MEGF6: variants seen among roughly 807,000 people sequenced by gnomAD.
MEGF6 encodes multiple EGF like domains 6, also known as multiple epidermal growth factor-like domains protein 6.
A neutral mutation model predicts 207.1 loss-of-function variants in MEGF6; 184 were observed. The ratio of observed to expected loss-of-function variants is 0.89; its 90% CI spans 0.79 to 1.00. The LOEUF is 1.00. Ranked by LOEUF, MEGF6 falls within the 50% of genes least tolerant of loss-of-function variation. MEGF6 has a pLI of 0.00. For missense variants in MEGF6, 2,282 were observed against 2,202.9 expected (o/e 1.04, Z -0.72); for synonymous variants, 1,038 against 910.0 (o/e 1.14, Z -2.53).
intron 1 of MEGF6, among the ~76,000 whole-genome samples, chr1:3,607,491 G>C (rs1320377088): frequency 6.6e-6 from 1 of 152,202 alleles, no homozygotes. Flanking sequence ...GGGAACGACT[G>C]TCTCCTCTGG....
chr1:3,501,984 C>G, intron 17 of MEGF6, 63 bp from the exon 18 acceptor site: 1 of 1,563,672 alleles, frequency 6.4e-7, no homozygotes, highest in South Asian at 1.2e-5. Context: ...CAGAGCCTTT[C>G]CCCCAGGGGC....
At chr1:3,497,911 AGG>A (rs1557717269) in intron 26 of MEGF6, among the ~76,000 whole-genome samples, 1 of 152,134 alleles carries the variant, frequency 6.6e-6, no homozygotes, top group African/African-American at 2.4e-5. Context: ...TTGAGGAATG[AGG>A]CAGTGTTGCC....
chr1:3,539,667 A>G (rs542491766), intron 4 of MEGF6, among the ~76,000 whole-genome samples: 2 of 152,150 alleles, frequency 1.3e-5, no homozygotes, highest in Non-Finnish European at 2.9e-5. Context: ...GGCTTCCGGG[A>G]GGACTGGAGA....
At chr1:3,530,619 G>A (rs1642120792) in intron 4 of MEGF6, among the ~76,000 whole-genome samples, 1 of 152,182 alleles carries the variant, frequency 6.6e-6, no homozygotes, top group South Asian at 2.1e-4. Context: ...AGCTGCCCAT[G>A]CCTGTGGGGC....
At chr1:3,543,766 G>A (rs897136322) in intron 4 of MEGF6, among the ~76,000 whole-genome samples, 1 of 152,222 alleles carries the variant, frequency 6.6e-6, no homozygotes, top group East Asian at 1.9e-4. Flanking sequence ...AGGGACCCCT[G>A]GCAGAGAGAT....
chr1:3,549,166 T>A (rs1642808469), intron 4 of MEGF6, among the ~76,000 whole-genome samples: 1 of 152,108 alleles, frequency 6.6e-6, no homozygotes, highest in Non-Finnish European at 1.5e-5. Context: ...CTGGCCCCCC[T>A]AGTCTCGGGG....
intron 4 of MEGF6, among the ~76,000 whole-genome samples, chr1:3,535,235 G>A (rs569168579): frequency 3.9e-5 from 6 of 152,250 alleles, no homozygotes; most frequent in South Asian, 2.1e-4. Flanking sequence ...AGAGCAGGGC[G>A]AGCCTCCAGG....
At chr1:3,547,723 A>C (rs191102856) in intron 4 of MEGF6, among the ~76,000 whole-genome samples, 7 of 152,300 alleles carry the variant, frequency 4.6e-5, no homozygotes, top group Admixed American at 4.6e-4. Flanking sequence ...CCAGCCTGCC[A>C]GGACCCAGAG....
At position 3,490,609 on chromosome 1, in the gene MEGF6, A is replaced by C. The variant is rs554447899; in HGVS notation, c.4565-20T>G. 6.2e-7 allele frequency: 1 copy of C among 1,611,924 alleles called. No homozygotes were observed. The highest frequency in any genetic ancestry group is 1.7e-5 in the Admixed American group (1 of 59,766). ...TGCCCGCTGGGGAAAAGGAGAAAAG[A>C]GGGCCAGTCCAGGGTGGGGCGGGTG... On this transcript the variant is annotated intron_variant, in intron 36 of 36. Coordinates refer to ENST00000356575, the MANE Select transcript of MEGF6 (RefSeq NM_001409.4).
chr1:3,541,636 C>A (rs910236774), intron 4 of MEGF6, among the ~76,000 whole-genome samples: 1 of 152,216 alleles, frequency 6.6e-6, no homozygotes, highest in Non-Finnish European at 1.5e-5. Flanking sequence ...AGCGCCCAGG[C>A]TTCCTAGCCC....
At chr1:3,502,273 G>C (rs1640936392) in intron 17 of MEGF6, among the ~76,000 whole-genome samples, 1 of 152,102 alleles carries the variant, frequency 6.6e-6, no homozygotes, top group South Asian at 2.1e-4. Context: ...GGCTGAAGCA[G>C]ATCCCTCGGC....
chr1:3,491,105 G>A lies in MEGF6; in HGVS notation c.4517-146C>T, dbSNP rs887254659. ...CTTCCCTTCTCAGTCCTTTGCACTC[G>A]GGGAAGGAACGGGGGCGGGAGCTGG... On this transcript the variant is annotated intron_variant, in intron 35 of 36. Coordinates refer to ENST00000356575, the MANE Select transcript of MEGF6 (RefSeq NM_001409.4). The A allele has an allele frequency of 5.9e-6, 4 of 674,004 alleles. No homozygotes were observed. The East Asian group carries it at 9.8e-5, about 17-fold the overall frequency. 41.8% of individuals were successfully genotyped at this position (674,004 alleles called of 1,614,324 possible).
At chr1:3,595,258 G>A in intron 3 of MEGF6, 80 bp downstream of exon 3, 2 of 974,860 alleles carry the variant, frequency 2.1e-6, no homozygotes. Context: ...TCCCCACCAG[G>A]CCCGGGGCAG....
At chr1:3,608,410 G>A (rs911993438) in intron 1 of MEGF6, among the ~76,000 whole-genome samples, 5 of 152,170 alleles carry the variant, frequency 3.3e-5, no homozygotes, top group African/African-American at 1.2e-4. Context: ...GGGTCGGGGA[G>A]CAGGCCTGCT....
Position 3,595,363 on chromosome 1 carries a change from C to T in MEGF6, c.351G>A (p.Gln117=). The T allele has an allele frequency of 6.2e-7, 1 of 1,612,400 alleles. No individual in the cohort carries two copies. Among genetic ancestry groups the T allele is most frequent in the East Asian group, 2.2e-5 (1 of 44,852 alleles). The part of the protein sequence containing the change: ...VLRCCRGWMQ[Q]PDEEGCLSAE... ...CCGAGAGGCAGCCCTCCTCGTCGGGCTGCTGCATCCACCCTCGGCAGCACC... is the reference window on the plus strand; with the variant it reads ...CCGAGAGGCAGCCCTCCTCGTCGGGTTGCTGCATCCACCCTCGGCAGCACC... The change falls in exon 3 of 37, where the codon CAG becomes CAA. Residue 117 remains glutamine, a synonymous_variant. Coordinates refer to ENST00000356575, the MANE Select transcript of MEGF6 (RefSeq NM_001409.4).
intron 5 of MEGF6, among the ~76,000 whole-genome samples, chr1:3,516,921 A>G (rs1031633984): frequency 2.6e-5 from 4 of 152,140 alleles, no homozygotes; most frequent in Admixed American, 2.0e-4. Flanking sequence ...CCCAGGGCAG[A>G]ACTCAGGTAA....
chr1:3,539,117 G>C (rs1642422464), intron 4 of MEGF6, among the ~76,000 whole-genome samples: 2 of 152,194 alleles, frequency 1.3e-5, no homozygotes, highest in Admixed American at 1.3e-4. Flanking sequence ...ATCAGGGAAA[G>C]GCCTGGGCCG....
the MEGF6 span, among the ~76,000 whole-genome samples, chr1:3,619,405 G>A: frequency 2.0e-5 from 3 of 152,220 alleles, no homozygotes; most frequent in Non-Finnish European, 4.4e-5. Flanking sequence ...GCACAGTCCA[G>A]TCTTAACCCC....
At chr1:3,518,393 C>G (rs908126705) in intron 5 of MEGF6, among the ~76,000 whole-genome samples, 4 of 152,180 alleles carry the variant, frequency 2.6e-5, no homozygotes, top group African/African-American at 9.6e-5. Context: ...GGAGGCGGCA[C>G]CACCCAGGAT....
Sources: allele counts gnomAD v4.1 joint callset (sites outside exome capture counted in the v4.1 genomes callset), GRCh38; gene constraint gnomAD v4.1.1; transcripts MANE v1.5; gene names NCBI Gene and HGNC (gene_info 2026-07-23, HGNC 2026-07-21).